The following PLOD2 variants were observed in gnomAD, a reference collection of about 807,000 sequenced individuals.
PLOD2 encodes procollagen-lysine,2-oxoglutarate 5-dioxygenase 2, also known as lysine hydroxylase 2.
Under a neutral mutation model 101.0 loss-of-function variants are expected in PLOD2, and 65 were observed. The observed-to-expected ratio is 0.64, with a 90% confidence interval of 0.53 to 0.79. The LOEUF (loss-of-function observed/expected upper bound fraction) is 0.79, where lower values mean the gene tolerates loss of function less well. PLOD2 is among the 30% of genes least tolerant of loss of function. The pLI is 0.00. For synonymous variants in PLOD2, 314 were observed against 302.9 expected, an observed-to-expected ratio of 1.04 and a Z score of -0.38; for missense variants, 909 against 914.6, an observed-to-expected ratio of 0.99 and a Z score of 0.08.
chr3:146,084,186 C>A (rs917522459), intron 11 of PLOD2, among the ~76,000 whole-genome samples: 1 of 151,940 alleles, frequency 6.6e-6, no homozygotes, highest in African/African-American at 2.4e-5. Context: ...CTTTTCCTTG[C>A]CAAATGATCA....
intron 6 of PLOD2, 69 bp downstream of exon 6, chr3:146,104,210 A>T: frequency 1.1e-6 from 1 of 899,394 alleles, no homozygotes; most frequent in Non-Finnish European, 1.9e-6. Context: ...GGACATAACA[A>T]AGGAAAGATA....
chr3:146,101,217 T>TGA, intron 7 of PLOD2, among the ~76,000 whole-genome samples: 1 of 152,122 alleles, frequency 6.6e-6, no homozygotes, highest in South Asian at 2.1e-4. Flanking sequence ...CCACCAGCAT[T>TGA]GAGAGAATTC....
chr3:146,123,720 A>ATT (rs1175147455), intron 2 of PLOD2, among the ~76,000 whole-genome samples: 2 of 149,028 alleles, frequency 1.3e-5, no homozygotes, highest in Admixed American at 6.7e-5. Flanking sequence ...CCAGAAAGAA[A>ATT]TTATATATAT....
intron 1 of PLOD2, among the ~76,000 whole-genome samples, chr3:146,126,343 C>T (rs1444596620): frequency 8.4e-6 from 1 of 119,142 alleles, no homozygotes; most frequent in East Asian, 2.6e-4. Flanking sequence ...AGAAAAAAAT[C>T]TTAGTTGGAG....
intron 14 of PLOD2, chr3:146,077,622 G>A (rs955277580): frequency 4.8e-6 from 2 of 416,178 alleles, no homozygotes; most frequent in East Asian, 3.8e-5. Context: ...AGGGACTTAG[G>A]TTTAACTTTG....
At chr3:146,119,345 A>T (rs892836441) in intron 3 of PLOD2, among the ~76,000 whole-genome samples, 2 of 152,152 alleles carry the variant, frequency 1.3e-5, no homozygotes, top group African/African-American at 4.8e-5. Context: ...GAGCCAACTA[A>T]ATCTCTTTTC....
At position 146,085,183 on chromosome 3, in the gene PLOD2, C is replaced by A; in HGVS notation, c.1218G>T (p.Leu406Phe). 1 of 1,531,502 alleles carries A rather than the reference C, an allele frequency of 6.5e-7. No individual in the cohort carries two copies. Among genetic ancestry groups the A allele is most frequent in the Non-Finnish European group, 9.0e-7 (1 of 1,106,108 alleles). The allele number at this position is 1,531,502 out of a possible 1,614,324, so 94.9% of individuals were successfully genotyped here. Residue 406 changes from leucine (L) to phenylalanine (F), a missense_variant, in exon 11 of 20, where the codon TTG becomes TTT. Physicochemically the swap from Leu to Phe is conservative, Grantham distance 22 (BLOSUM62 0). Coordinates refer to ENST00000282903, the MANE Select transcript of PLOD2 (RefSeq NM_182943.3). ...VLTNPRTLKI[L>F]IEQNRKIIAP... ...TTAGAAAGTACCTGTTTTGTTCAAT[C>A]AAAATTTTTAAAGTCCTTGGATTTG...
chr3:146,104,750 T>C (rs1937508399), intron 5 of PLOD2, among the ~76,000 whole-genome samples: 1 of 152,240 alleles, frequency 6.6e-6, no homozygotes, highest in Admixed American at 6.5e-5. Context: ...CTAGGGTCTA[T>C]GGAAGACTGC....
At chr3:146,113,636 C>T (rs532758265) in intron 3 of PLOD2, among the ~76,000 whole-genome samples, 118 of 152,248 alleles carry the variant, frequency 7.8e-4, no homozygotes, top group East Asian at 3.9e-4. Context: ...TTGTGATTTC[C>T]TATGCCTGTC....
At chr3:146,099,059 C>T (rs976892175) in intron 7 of PLOD2, among the ~76,000 whole-genome samples, 1 of 151,964 alleles carries the variant, frequency 6.6e-6, no homozygotes, top group African/African-American at 2.4e-5. Flanking sequence ...TATAATAAAA[C>T]TTCATATTTT....
Position 146,081,787 on chromosome 3 carries a change from A to G in PLOD2, c.1309T>C (p.Tyr437His), listed in dbSNP as rs1936548623. Residue 437 changes from tyrosine to histidine, a missense_variant, in exon 12 of 20, where the codon TAC becomes CAC. Coordinates refer to ENST00000282903, the MANE Select transcript of PLOD2 (RefSeq NM_182943.3). ...ACATAATCTTCAGATCGTGCATAGT[A>G]TCCATCAGGACTCAATGCTCCCCAG... ...NFWGALSPDGYYARSEDYVDI... is the reference protein window; with the variant it reads ...NFWGALSPDGHYARSEDYVDI... 1.9e-6 allele frequency: 3 copies of G among 1,606,718 alleles called. No individual in the cohort carries two copies. The highest frequency in any genetic ancestry group is 2.2e-5 in the South Asian group (2 of 90,944).
At chr3:146,083,613 G>A (rs1403247687) in intron 11 of PLOD2, among the ~76,000 whole-genome samples, 13 of 131,840 alleles carry the variant, frequency 9.9e-5, no homozygotes, top group Admixed American at 3.7e-4. Flanking sequence ...ACGGAGTCTC[G>A]CTGTGTCGCC....
At position 146,071,268 on chromosome 3, in the gene PLOD2, G is replaced by A; in HGVS notation, c.1995+9C>T. 1 of 1,611,412 alleles carries A rather than the reference G, an allele frequency of 6.2e-7. No homozygotes were observed. Among genetic ancestry groups the A allele is most frequent in the Non-Finnish European group, 8.5e-7 (1 of 1,178,210 alleles). On this transcript the variant is annotated intron_variant, in intron 18 of 19. Transcript: ENST00000282903. ...AAGAAATAGGCTGGAGGGGTGAGAG[G>A]ATAACTACCTTCGTATAATAGCCTG... is the stretch of plus-strand genomic sequence containing the variant.
At position 146,155,329 on chromosome 3, in the gene PLOD2, AAATT is replaced by A. The variant is rs575679913; in HGVS notation, c.109+5548_109+5551del. Among the ~76,000 whole-genome samples, 605 of 150,742 alleles carry A rather than the reference AAATT, an allele frequency of 4.0e-3. 5 individuals carry two copies. Among genetic ancestry groups the A allele is most frequent in the African/African-American group, 0.014 (568 of 40,976 alleles). The stretch of plus-strand genomic sequence containing the variant: ...ACAGAGTGAGACCCTGTCTATAAAT[AAATT>A]AATTAATTAATTAATTAAATAACAG... On this transcript the variant is annotated intron_variant, in intron 1 of 19. Coordinates refer to ENST00000282903, the MANE Select transcript of PLOD2 (RefSeq NM_182943.3).
At chr3:146,114,247 C>A (rs62272367) in intron 3 of PLOD2, among the ~76,000 whole-genome samples, 1 of 151,248 alleles carries the variant, frequency 6.6e-6, no homozygotes, top group Non-Finnish European at 1.5e-5. Context: ...TTTATTGCCT[C>A]TGTGTGCCTC....
intron 15 of PLOD2, chr3:146,076,006 T>C (rs1936319787): frequency 1.3e-5 from 2 of 151,668 alleles, no homozygotes; most frequent in Admixed American, 6.6e-5. Flanking sequence ...GTATAATGCA[T>C]GATGCTAAGG....
chr3:146,113,727 C>A (rs1010112854), intron 3 of PLOD2, among the ~76,000 whole-genome samples: 1 of 152,130 alleles, frequency 6.6e-6, no homozygotes, highest in African/African-American at 2.4e-5. Flanking sequence ...ATTGCATTAA[C>A]TGTGCAAATC....
chr3:146,142,054 A>C (rs2031550219), intron 1 of PLOD2, among the ~76,000 whole-genome samples: 1 of 152,070 alleles, frequency 6.6e-6, no homozygotes, highest in Admixed American at 6.6e-5. Flanking sequence ...CATTTACTGT[A>C]TCTAACCATA....
At chr3:146,075,963 T>C (rs1936317968) in intron 15 of PLOD2, 1 of 151,742 alleles carries the variant, frequency 6.6e-6, no homozygotes, top group African/African-American at 2.4e-5. Flanking sequence ...AGCTTTTGGA[T>C]TCAGGGAGTA....
Sources: gnomAD v4.1 joint callset for allele counts (sites outside exome capture counted in the v4.1 genomes callset) on GRCh38, gnomAD v4.1.1 for gene constraint, MANE v1.5 for transcripts, NCBI Gene and HGNC (gene_info 2026-07-23, HGNC 2026-07-21) for gene names.